RCOR1: variants seen among roughly 807,000 people sequenced by gnomAD.
RCOR1 encodes REST corepressor 1.
Under a neutral mutation model 64.0 loss-of-function variants are expected in RCOR1, and 12 were observed. The observed-to-expected ratio is 0.19, with a 90% CI of 0.12 to 0.30. The LOEUF is 0.30. RCOR1 is among the 10% of genes least tolerant of loss of function. The pLI is 1.00. For missense variants in RCOR1, 502 were observed against 621.2 expected (o/e 0.81, Z 2.04); for synonymous variants, 279 against 227.2 (o/e 1.23, Z -2.05).
intron 2 of RCOR1, among the ~76,000 whole-genome samples, chr14:102,650,469 T>C (rs1347518733): frequency 1.3e-5 from 2 of 152,082 alleles, no homozygotes; most frequent in Non-Finnish European, 2.9e-5. Context: ...TTCTGAAGTA[T>C]GTTAATAAAG....
At chr14:102,603,683 T>C (rs1011627220) in intron 2 of RCOR1, among the ~76,000 whole-genome samples, 3 of 152,120 alleles carry the variant, frequency 2.0e-5, no homozygotes, top group African/African-American at 7.2e-5. Flanking sequence ...TGCGGTGGCT[T>C]AATCTCAGCT....
In RCOR1 at chr14:102,710,945, C is replaced by G; in HGVS notation, c.790C>G (p.Leu264Val). The part of the protein sequence containing the change: ...KREREESEDE[L>V]EEANGNNPID... Reference sequence around the variant, plus strand: ...GTTCTTGTCTTCCAGCGAGGATGAACTGGAAGAGGCAAATGGAAACAATCC... The same window carrying G: ...GTTCTTGTCTTCCAGCGAGGATGAAGTGGAAGAGGCAAATGGAAACAATCC... Residue 264 changes from leucine to valine, a missense_variant, in exon 7 of 12, where the codon CTG becomes GTG. Physicochemically the swap from Leu to Val is conservative, Grantham distance 32. Around this residue, in one of 2 missense-constraint regions of RCOR1, gnomAD observed 260 missense variants for 416.4 expected, o/e 0.62. Transcript: ENST00000262241. 2 of 1,602,930 alleles carry G rather than the reference C, an allele frequency of 1.2e-6. No homozygotes were observed. The highest frequency in any genetic ancestry group is 2.3e-5 in the South Asian group (2 of 88,028).
chr14:102,704,281 G>C (rs1490599581), intron 4 of RCOR1, among the ~76,000 whole-genome samples: 1 of 152,198 alleles, frequency 6.6e-6, no homozygotes, highest in Non-Finnish European at 1.5e-5. Flanking sequence ...TAACCTGCAC[G>C]GTGATGTGAA....
intron 2 of RCOR1, among the ~76,000 whole-genome samples, chr14:102,646,501 G>A (rs536983017): frequency 1.3e-5 from 2 of 152,212 alleles, no homozygotes; most frequent in Non-Finnish European, 2.9e-5. Context: ...TCCATTCAGA[G>A]AACAAGAAAG....
intron 2 of RCOR1, among the ~76,000 whole-genome samples, chr14:102,610,081 G>T (rs1028799712): frequency 6.6e-6 from 1 of 151,138 alleles, no homozygotes; most frequent in African/African-American, 2.4e-5. Context: ...AGTGAGCCGA[G>T]ATTGCGCCAT....
chr14:102,665,309 C>T (rs1360497382), intron 2 of RCOR1, among the ~76,000 whole-genome samples: 2 of 127,338 alleles, frequency 1.6e-5, no homozygotes, highest in African/African-American at 3.3e-5. Flanking sequence ...CTGGCCTCAA[C>T]ACTTTTTTTT....
At chr14:102,610,522 T>G (rs1412879993) in intron 2 of RCOR1, among the ~76,000 whole-genome samples, 2 of 152,074 alleles carry the variant, frequency 1.3e-5, no homozygotes, top group Non-Finnish European at 2.9e-5. Context: ...GATCTAGACA[T>G]TTTGATGAAA....
At chr14:102,676,252 G>A (rs1243764159) in intron 2 of RCOR1, among the ~76,000 whole-genome samples, 3 of 148,418 alleles carry the variant, frequency 2.0e-5, no homozygotes, top group African/African-American at 7.5e-5. Context: ...GGTCGTGGCC[G>A]GGCAGAGGGG....
intron 4 of RCOR1, among the ~76,000 whole-genome samples, chr14:102,705,567 GC>G (rs1393142237): frequency 6.6e-6 from 1 of 152,128 alleles, no homozygotes; most frequent in East Asian, 1.9e-4. Context: ...TCCTGCCTCA[GC>G]CCCCCAAGTA....
intron 5 of RCOR1, 21 bp downstream of exon 5, chr14:102,707,533 A>C: frequency 6.4e-7 from 1 of 1,568,432 alleles, no homozygotes; most frequent in Non-Finnish European, 8.6e-7. Context: ...GAGACCACTG[A>C]GTTCTATTTT....
intron 11 of RCOR1, among the ~76,000 whole-genome samples, chr14:102,724,638 C>T (rs1320693422): frequency 6.6e-6 from 1 of 152,090 alleles, no homozygotes; most frequent in African/African-American, 2.4e-5. Flanking sequence ...CGGCCTATTT[C>T]TTGAGTTTCT....
At chr14:102,677,366 G>T (rs371796742) in intron 2 of RCOR1, among the ~76,000 whole-genome samples, 1 of 143,684 alleles carries the variant, frequency 7.0e-6, no homozygotes, top group Non-Finnish European at 1.5e-5. Flanking sequence ...CTCCCGGACG[G>T]GGTGGCTGCC....
chr14:102,613,424 A>T (rs1170137530), intron 2 of RCOR1, among the ~76,000 whole-genome samples: 51 of 145,302 alleles, frequency 3.5e-4, no homozygotes, highest in African/African-American at 1.1e-3. Flanking sequence ...TTTTAAACAT[A>T]TTTATTTATC....
intron 2 of RCOR1, among the ~76,000 whole-genome samples, chr14:102,676,641 C>G (rs1895167177): frequency 9.0e-6 from 1 of 111,202 alleles, no homozygotes; most frequent in Non-Finnish European, 1.9e-5. Flanking sequence ...GGCTGATCCC[C>G]CCACCTCCCT....
Position 102,722,167 on chromosome 14 carries a change from A to G in RCOR1, c.1190-20A>G. 2 of 1,585,146 alleles carry G rather than the reference A, an allele frequency of 1.3e-6. No homozygotes were observed. Among genetic ancestry groups the G allele is most frequent in the South Asian group, 1.1e-5 (1 of 89,916 alleles). On this transcript the variant is annotated intron_variant, in intron 10 of 11. Transcript: ENST00000262241. ...ATGTTTTTCTCTTGTATTTTAAAAA[A>G]TGCTTTCTTACATCCTTAGCCATCA...
Position 102,728,313 on chromosome 14 carries a change from T to C in RCOR1, c.*1807T>C, listed in dbSNP as rs1038087851. ...GGGAAGCATCAGAGGAGTCCCGGAT[T>C]GCTGCTGCTACCTGGAGACAGGGTT... On this transcript the variant is annotated 3_prime_UTR_variant, in exon 12 of 12. Transcript: ENST00000262241. 2.0e-5 allele frequency: 3 copies of C among 152,096 alleles called. No homozygotes were observed. The highest frequency in any genetic ancestry group is 1.9e-4 in the East Asian group (1 of 5,198). The allele number at this position is 152,096 out of a possible 1,614,324, so 9.4% of individuals were successfully genotyped here.
At chr14:102,610,571 T>C (rs781738348) in intron 2 of RCOR1, among the ~76,000 whole-genome samples, 1 of 151,974 alleles carries the variant, frequency 6.6e-6, no homozygotes, top group South Asian at 2.1e-4. Flanking sequence ...ATTATTATTT[T>C]TGTGTGTGTG....
At chr14:102,635,943 C>T (rs1894226024) in intron 2 of RCOR1, among the ~76,000 whole-genome samples, 1 of 151,402 alleles carries the variant, frequency 6.6e-6, no homozygotes, top group East Asian at 1.9e-4. Context: ...AAAGTTTCTC[C>T]CTCCCTCCCT....
intron 2 of RCOR1, among the ~76,000 whole-genome samples, chr14:102,676,740 C>G (rs1159500373): frequency 8.9e-5 from 10 of 111,906 alleles, no homozygotes. Flanking sequence ...CTGACCCCCC[C>G]CACCTCCCTC....
Sources: allele counts gnomAD v4.1 joint callset (sites outside exome capture counted in the v4.1 genomes callset), GRCh38; gene constraint gnomAD v4.1.1; regional missense constraint gnomAD v4.1.1; transcripts MANE v1.5; gene names NCBI Gene and HGNC (gene_info 2026-07-23, HGNC 2026-07-21).